The following KIF16B variants were observed in gnomAD, a reference collection of about 807,000 sequenced individuals.
KIF16B encodes the protein kinesin family member 16B.
In KIF16B, 98 loss-of-function variants were observed where a neutral mutation model predicts 156.3. That is an observed-to-expected ratio of 0.63 (90% CI 0.53 to 0.74). KIF16B has a LOEUF of 0.74. Among genes scored for constraint, KIF16B ranks in the 30% least tolerant of loss-of-function variants. KIF16B has a pLI of 0.00. For synonymous variants in KIF16B, 564 were observed against 583.7 expected, an observed-to-expected ratio of 0.97 and a Z score of 0.49; for missense variants, 1,421 against 1,606.5, an observed-to-expected ratio of 0.88 and a Z score of 1.97.
At chr20:16,326,245 C>G (rs552175207) in intron 24 of KIF16B, among the ~76,000 whole-genome samples, 2 of 151,442 alleles carry the variant, frequency 1.3e-5, no homozygotes, top group Non-Finnish European at 3.0e-5. Flanking sequence ...TTAGGCAAAG[C>G]CTTCATGACC....
chr20:16,472,410 G>C (rs550816144), intron 12 of KIF16B, among the ~76,000 whole-genome samples: 1 of 152,152 alleles, frequency 6.6e-6, no homozygotes, highest in East Asian at 1.9e-4. Flanking sequence ...TCAAGATTGA[G>C]TCACAAGCAG....
intron 22 of KIF16B, chr20:16,369,337 G>T (rs2064759703): frequency 6.2e-6 from 6 of 960,632 alleles, no homozygotes; most frequent in Non-Finnish European, 7.4e-6. Context: ...TGCACATGAT[G>T]ATTCTTGTCA....
At chr20:16,556,660 T>C (rs1028110335) in intron 1 of KIF16B, among the ~76,000 whole-genome samples, 2 of 152,168 alleles carry the variant, frequency 1.3e-5, no homozygotes, top group African/African-American at 4.8e-5. Flanking sequence ...TGAGCCACAC[T>C]TCCCTATTCT....
At chr20:16,474,540 G>C (rs1251048596) in intron 12 of KIF16B, among the ~76,000 whole-genome samples, 10 of 152,196 alleles carry the variant, frequency 6.6e-5, no homozygotes. Flanking sequence ...TTCCTTGCAA[G>C]CAAGAAGCAT....
intron 25 of KIF16B, among the ~76,000 whole-genome samples, chr20:16,299,134 G>T (rs1197221174): frequency 6.6e-6 from 1 of 152,082 alleles, no homozygotes; most frequent in East Asian, 1.9e-4. Flanking sequence ...AAAAATTAAA[G>T]TCTTGCTTTC....
At chr20:16,439,882 A>G (rs1414467246) in intron 12 of KIF16B, among the ~76,000 whole-genome samples, 3 of 152,138 alleles carry the variant, frequency 2.0e-5, no homozygotes, top group African/African-American at 7.2e-5. Context: ...CCGTGATTCA[A>G]TTACCTCCCA....
chr20:16,532,279 C>T (rs1265780161), intron 1 of KIF16B, among the ~76,000 whole-genome samples: 1 of 151,976 alleles, frequency 6.6e-6, no homozygotes, highest in African/African-American at 2.4e-5. Flanking sequence ...ATGGGGAAAC[C>T]AGCTAAGGGG....
At chr20:16,565,264 GAAATTAAAACTGTGAAAATTTT>G (rs1399829431) in intron 1 of KIF16B, among the ~76,000 whole-genome samples, 1 of 152,076 alleles carries the variant, frequency 6.6e-6, no homozygotes, top group Non-Finnish European at 1.5e-5. Context: ...TACCATGTTA[GAAATTAAAACTGTGAAAATTTT>G]AAACAAAATG....
At chr20:16,404,011 G>A (rs2065720648) in intron 17 of KIF16B, among the ~76,000 whole-genome samples, 1 of 152,296 alleles carries the variant, frequency 6.6e-6, no homozygotes, top group South Asian at 2.1e-4. Flanking sequence ...TTCCCCACAT[G>A]TAAAATGGGA....
At chr20:16,287,877 A>G (rs922834898) in intron 25 of KIF16B, among the ~76,000 whole-genome samples, 1 of 152,244 alleles carries the variant, frequency 6.6e-6, no homozygotes, top group African/African-American at 2.4e-5. Context: ...CCTGTGGACC[A>G]GAAGTGAGGA....
rs374826454 is a variant in KIF16B, at chr20:16,494,276, T to C, written c.1302+15A>G. ...TCCACCATAGTAAGACTAAACACAT[T>C]TTTCTAGTCCTTACTTTCAAAATAT... is the stretch of plus-strand genomic sequence containing the variant. On this transcript the variant is annotated intron_variant, in intron 12 of 25. Coordinates refer to ENST00000354981, the MANE Select transcript of KIF16B (RefSeq NM_024704.5). The C allele has an allele frequency of 8.9e-5, 138 of 1,546,020 alleles. 1 individual carries two copies. The African/African-American group carries it at 1.6e-3, about 18-fold the overall frequency.
intron 24 of KIF16B, among the ~76,000 whole-genome samples, chr20:16,314,086 T>C (rs1029873258): frequency 1.3e-5 from 2 of 152,212 alleles, no homozygotes; most frequent in African/African-American, 4.8e-5. Flanking sequence ...GCTCCAGATC[T>C]TCACCAGCAC....
intron 25 of KIF16B, among the ~76,000 whole-genome samples, chr20:16,290,321 G>A (rs1213768024): frequency 2.6e-5 from 4 of 152,214 alleles, no homozygotes; most frequent in African/African-American, 9.6e-5. Flanking sequence ...ACAACTGGAT[G>A]CATCGAGAAC....
chr20:16,516,229 T>A (rs767754580), intron 3 of KIF16B, among the ~76,000 whole-genome samples: 1 of 152,146 alleles, frequency 6.6e-6, no homozygotes, highest in Non-Finnish European at 1.5e-5. Flanking sequence ...CAGATGCTTT[T>A]TCCTATTTGG....
intron 21 of KIF16B, 84 bp from the exon 22 acceptor site, chr20:16,370,720 G>A (rs1416290318): frequency 3.1e-6 from 3 of 977,238 alleles, no homozygotes; most frequent in East Asian, 5.4e-5. Context: ...AGTATTTATG[G>A]GAATGGAAAT....
chr20:16,483,513 C>A (rs193245364), intron 12 of KIF16B, among the ~76,000 whole-genome samples: 6 of 152,214 alleles, frequency 3.9e-5, no homozygotes, highest in African/African-American at 1.2e-4. Context: ...AGTTTTACAT[C>A]AAAAAGGATA....
intron 24 of KIF16B, among the ~76,000 whole-genome samples, chr20:16,325,879 C>A (rs1171727906): frequency 2.6e-5 from 4 of 152,178 alleles, no homozygotes; most frequent in Admixed American, 2.0e-4. Flanking sequence ...AGAGGTGTCA[C>A]TTTACCCAAC....
intron 22 of KIF16B, among the ~76,000 whole-genome samples, chr20:16,356,713 C>T (rs1052287656): frequency 3.5e-4 from 54 of 152,258 alleles, no homozygotes; most frequent in African/African-American, 1.2e-3. Context: ...TTTGAAGTTC[C>T]TTCCAATTTA....
At chr20:16,475,621 T>G (rs1352708168) in intron 12 of KIF16B, among the ~76,000 whole-genome samples, 1 of 152,240 alleles carries the variant, frequency 6.6e-6, no homozygotes, top group African/African-American at 2.4e-5. Context: ...CAACGAAGGA[T>G]GACAGAAATA....
Sources: gnomAD v4.1 joint callset for allele counts (sites outside exome capture counted in the v4.1 genomes callset) on GRCh38, gnomAD v4.1.1 for gene constraint, MANE v1.5 for transcripts, NCBI Gene and HGNC (gene_info 2026-07-23, HGNC 2026-07-21) for gene names.